The following GFRA2 variants were observed in gnomAD, a reference collection of about 807,000 sequenced individuals.
GFRA2 encodes the protein GDNF family receptor alpha 2.
Under a neutral mutation model 48.3 loss-of-function variants are expected in GFRA2, and 17 were observed. The ratio of observed to expected loss-of-function variants is 0.35; its 90% CI spans 0.24 to 0.53. The LOEUF (loss-of-function observed/expected upper bound fraction) is 0.53, where lower values mean the gene tolerates loss of function less well. Among genes scored for constraint, GFRA2 ranks in the 20% least tolerant of loss-of-function variants. The probability of loss-of-function intolerance (pLI) is 0.93; values close to 1 mark genes in which losing one functional copy is unlikely to be tolerated. For synonymous variants in GFRA2, 305 were observed against 257.2 expected (o/e 1.19, Z -1.78); for missense variants, 660 against 637.3 (o/e 1.04, Z -0.38).
intron 2 of GFRA2, 66 bp downstream of exon 2, chr8:21,782,519 C>G (rs1483411575): frequency 1.2e-5 from 15 of 1,246,938 alleles, no homozygotes; most frequent in Non-Finnish European, 1.7e-5. Context: ...GAACCCCTGG[C>G]CCGCCACACG....
At chr8:21,731,885 G>A (rs1345909221) in intron 4 of GFRA2, among the ~76,000 whole-genome samples, 1 of 152,260 alleles carries the variant, frequency 6.6e-6, no homozygotes, top group Non-Finnish European at 1.5e-5. Context: ...TTCTATGTAA[G>A]TCAGTAGCAC....
rs1485633162 is a variant in GFRA2, at chr8:21,692,599, G to C, written c.*679C>G. The C allele has an allele frequency of 6.6e-6, 1 of 152,110 alleles. No homozygotes were observed. Among genetic ancestry groups the C allele is most frequent in the Non-Finnish European group, 1.5e-5 (1 of 68,064 alleles). 9.4% of individuals were successfully genotyped at this position (152,110 alleles called of 1,614,324 possible). On this transcript the variant is annotated 3_prime_UTR_variant, in exon 9 of 9. Coordinates refer to ENST00000524240, the MANE Select transcript of GFRA2 (RefSeq NM_001495.5). ...ACAAGGGCTCTCCCAGGCAGGCTGA[G>C]CTCTCAAGCCCTCCTGGAGCTGGCC...
At chr8:21,694,077 T>TTTTTATATATATATATATATATATATA (rs1802032776) in intron 8 of GFRA2, among the ~76,000 whole-genome samples, 1 of 109,294 alleles carries the variant, frequency 9.1e-6, no homozygotes, top group African/African-American at 3.2e-5. Flanking sequence ...TTATTTATTT[T>TTTTTATATATATATATATATATATATA]TATATATATA....
At chr8:21,780,669 C>T (rs1002681672) in intron 2 of GFRA2, among the ~76,000 whole-genome samples, 117 of 152,208 alleles carry the variant, frequency 7.7e-4, no homozygotes, top group African/African-American at 2.5e-3. Context: ...ATCCCCCTGC[C>T]CTCCCCTCTC....
chr8:21,784,824 C>T (rs1807189148), intron 1 of GFRA2, among the ~76,000 whole-genome samples: 1 of 152,154 alleles, frequency 6.6e-6, no homozygotes, highest in South Asian at 2.1e-4. Context: ...GGCTGGAGAG[C>T]TGTCCTCCAC....
chr8:21,775,083 G>A lies in GFRA2; in HGVS notation c.356-28C>T, dbSNP rs200715045. Reference sequence around the variant, plus strand: ...GGAAGACAGAACAGGCATCAGATGCGGGCTCCTCCGGGCCAGAGCGCTGCC... The same window carrying A: ...GGAAGACAGAACAGGCATCAGATGCAGGCTCCTCCGGGCCAGAGCGCTGCC... On this transcript the variant is annotated intron_variant, in intron 2 of 8. Transcript: ENST00000524240. The A allele has an allele frequency of 4.6e-5, 52 of 1,141,864 alleles. No individual in the cohort carries two copies. In the East Asian group the frequency reaches 9.9e-4, roughly 22 times the overall value. 70.7% of individuals were successfully genotyped at this position (1,141,864 alleles called of 1,614,324 possible).
chr8:21,713,928 A>C (rs1446342456), intron 4 of GFRA2, among the ~76,000 whole-genome samples: 1 of 151,986 alleles, frequency 6.6e-6, no homozygotes, highest in African/African-American at 2.4e-5. Context: ...GCTTACCCAT[A>C]AAAAAAAGCA....
chr8:21,725,553 C>T (rs1293615673), intron 4 of GFRA2, among the ~76,000 whole-genome samples: 1 of 152,198 alleles, frequency 6.6e-6, no homozygotes, highest in African/African-American at 2.4e-5. Flanking sequence ...AAGAGACCAA[C>T]CAAACTCAAA....
At chr8:21,776,031 G>GT in intron 2 of GFRA2, among the ~76,000 whole-genome samples, 1 of 143,358 alleles carries the variant, frequency 7.0e-6, no homozygotes, top group African/African-American at 2.6e-5. Context: ...GTGTGTGTGT[G>GT]TGTGTGTGTA....
intron 4 of GFRA2, among the ~76,000 whole-genome samples, chr8:21,733,130 C>T (rs1804277405): frequency 6.6e-6 from 1 of 152,178 alleles, no homozygotes; most frequent in Admixed American, 6.5e-5. Flanking sequence ...TTCCAAATGG[C>T]CTGCTCGTTT....
At position 21,716,506 on chromosome 8, in the gene GFRA2, G is replaced by C. The variant is rs543237048; in HGVS notation, c.795-10465C>G. On this transcript the variant is annotated intron_variant, in intron 4 of 8. Transcript: ENST00000524240. The stretch of plus-strand genomic sequence containing the variant: ...GACTGCAGGAGTGTTGGAGTAGGCA[G>C]ATGGCCAGAAGTAGGCAGGCAAGGG... 8.5e-5 allele frequency among the ~76,000 whole-genome samples: 13 copies of C among 152,242 alleles called. No individual in the cohort carries two copies. In the South Asian group the frequency reaches 2.1e-3, roughly 24 times the overall value.
intron 2 of GFRA2, among the ~76,000 whole-genome samples, chr8:21,795,943 G>A (rs1405992096): frequency 1.3e-5 from 2 of 152,180 alleles, no homozygotes; most frequent in Non-Finnish European, 2.9e-5. Context: ...TGTCATCCAA[G>A]ACAGACCTGG....
intron 4 of GFRA2, among the ~76,000 whole-genome samples, chr8:21,731,977 T>C (rs912904452): frequency 6.6e-6 from 1 of 152,172 alleles, no homozygotes; most frequent in Non-Finnish European, 1.5e-5. Flanking sequence ...GGTGAAGGTG[T>C]CTTCCACTAT....
At chr8:21,801,639 C>T (rs1807772502) in intron 2 of GFRA2, among the ~76,000 whole-genome samples, 2 of 146,310 alleles carry the variant, frequency 1.4e-5, no homozygotes, top group South Asian at 2.2e-4. Flanking sequence ...GCATTAGACA[C>T]CTATTGTGCT....
chr8:21,731,077 T>C (rs917127626), intron 4 of GFRA2, among the ~76,000 whole-genome samples: 3 of 152,084 alleles, frequency 2.0e-5, no homozygotes, highest in Non-Finnish European at 2.9e-5. Context: ...TGCCACCATG[T>C]GATCCCCTCT....
At chr8:21,725,745 G>A (rs560119800) in intron 4 of GFRA2, among the ~76,000 whole-genome samples, 1 of 152,238 alleles carries the variant, frequency 6.6e-6, no homozygotes, top group Non-Finnish European at 1.5e-5. Flanking sequence ...CAGCTGGGAA[G>A]TGTGGGGCCT....
chr8:21,715,759 T>G (rs192826067), intron 4 of GFRA2, among the ~76,000 whole-genome samples: 40 of 152,314 alleles, frequency 2.6e-4, no homozygotes, highest in Admixed American at 1.9e-3. Flanking sequence ...AAAAACATGC[T>G]TTTCTTTTTG....
At chr8:21,764,605 G>A (rs1806066851) in intron 3 of GFRA2, among the ~76,000 whole-genome samples, 1 of 152,236 alleles carries the variant, frequency 6.6e-6, no homozygotes, top group Non-Finnish European at 1.5e-5. Flanking sequence ...GAAGGACCCA[G>A]CTCCAGCCTC....
chr8:21,693,337 C>G lies in GFRA2; in HGVS notation c.1336G>C (p.Ala446Pro). 2 of 1,613,608 alleles carry G rather than the reference C, an allele frequency of 1.2e-6. No individual in the cohort carries two copies. Among genetic ancestry groups the G allele is most frequent in the Non-Finnish European group, 1.7e-6 (2 of 1,179,714 alleles). Residue 446 changes from alanine to proline, a missense_variant, in exon 9 of 9, where the codon GCC (alanine) becomes CCC (proline). Transcript: ENST00000524240. The part of the protein sequence containing the change: ...VIKPNSGPSR[A>P]RPSAALTVLS... ...ACGGTCAAGGCAGCCGACGGTCTGG[C>G]TCTGCTGGGGCCTGAGTTAGGTTTG...
Sources: gnomAD v4.1 joint callset for allele counts (sites outside exome capture counted in the v4.1 genomes callset) on GRCh38, gnomAD v4.1.1 for gene constraint, MANE v1.5 for transcripts, NCBI Gene and HGNC (gene_info 2026-07-23, HGNC 2026-07-21) for gene names.